RLBP1: variants seen among roughly 807,000 people sequenced by gnomAD.
RLBP1 encodes retinaldehyde-binding protein 1.
RLBP1 carries 26 observed loss-of-function variants against 36.2 expected under a neutral mutation model. The observed-to-expected ratio is 0.72, with a 90% CI of 0.53 to 1.00. The LOEUF is 1.00. Ranked by LOEUF, RLBP1 falls within the 50% of genes least tolerant of loss-of-function variation. The pLI, the probability that RLBP1 is intolerant of heterozygous loss-of-function variation, is 0.00. For synonymous variants in RLBP1, 155 were observed against 156.2 expected (o/e 0.99, Z 0.06); for missense variants, 410 against 402.4 (o/e 1.02, Z -0.16).
At chr15:89,215,284 C>A in intron 5 of RLBP1, 46 bp from the exon 6 acceptor site, 2 of 1,597,108 alleles carry the variant, frequency 1.3e-6, no homozygotes, top group Non-Finnish European at 1.7e-6. Flanking sequence ...GCCATCCCAT[C>A]CCTACCCCAT....
rs1440807352 is a variant in RLBP1, at chr15:89,218,970, T to A, written c.6A>T (p.Ser2=). Residue 2 remains serine, a synonymous_variant, in exon 3 of 9, where the codon TCA becomes TCT. Coordinates refer to ENST00000268125, the MANE Select transcript of RLBP1 (RefSeq NM_000326.5). This position sits in a 1 kb window ranked among gnomAD's most constrained non-coding sequence, Gnocchi z 4.6. Reference sequence around the variant, plus strand: ...TGGAGGACAGGGTACTTACCCCTTCTGACATGTTGCCTATGGAAGACACAG... The same window carrying A: ...TGGAGGACAGGGTACTTACCCCTTCAGACATGTTGCCTATGGAAGACACAG... M[S]EGVGTFRMVP... 1 of 1,613,998 alleles carries A rather than the reference T, an allele frequency of 6.2e-7. No homozygotes were observed. Among genetic ancestry groups the A allele is most frequent in the African/African-American group, 1.3e-5 (1 of 74,920 alleles).
rs2051603974 is a variant in RLBP1 at position 89,218,812 on chromosome 15, T to C, written c.13-119A>G. 1 of 1,556,966 alleles carries C rather than the reference T, an allele frequency of 6.4e-7. No homozygotes were observed. Among genetic ancestry groups the C allele is most frequent in the Non-Finnish European group, 8.8e-7 (1 of 1,138,884 alleles). Reference sequence around the variant, plus strand: ...AAGGTCATTGTTAAGCCTCCTCCTTTTGTGGGGTCAGGACCCACACAGGGG... The same window carrying C: ...AAGGTCATTGTTAAGCCTCCTCCTTCTGTGGGGTCAGGACCCACACAGGGG... On this transcript the variant is annotated intron_variant, in intron 3 of 8. Coordinates refer to ENST00000268125, the MANE Select transcript of RLBP1 (RefSeq NM_000326.5). The surrounding 1 kb of genome is among the most constrained non-coding windows in gnomAD (Gnocchi z 4.6).
rs2051590878 is a variant in RLBP1, at chr15:89,217,332, A to G, written c.142-8T>C. The G allele has an allele frequency of 2.5e-6, 4 of 1,603,160 alleles. No homozygotes were observed. Among genetic ancestry groups the G allele is most frequent in the Middle Eastern group, 1.7e-4 (1 of 6,060 alleles). On this transcript the variant is annotated splice_polypyrimidine_tract_variant and splice_region_variant and intron_variant, in intron 4 of 8. Coordinates refer to ENST00000268125, the MANE Select transcript of RLBP1 (RefSeq NM_000326.5). ...GTTCAGCTCATCCTTGGCCTAGAAC[A>G]GGGTGGGGTGTGCATGAAGTTAAAC...
rs998489091 is a variant in RLBP1 at position 89,214,492 on chromosome 15, G to T, written c.525+568C>A. Among the ~76,000 whole-genome samples, 1 of 136,950 alleles carries T rather than the reference G, an allele frequency of 7.3e-6. No individual in the cohort carries two copies. The highest frequency in any genetic ancestry group is 2.6e-5 in the African/African-American group (1 of 38,152). The allele number at this position is 136,950 out of a possible 152,430, so 89.8% of individuals were successfully genotyped here. A position where few individuals can be genotyped will look rare whatever the true frequency, so the allele number is the denominator to read the frequency against. ...TAAATAAATAAAATAAAATAAGTTT[G>T]TAGCAGTTTTTTTTTTAAATTAAAG... On this transcript the variant is annotated intron_variant, in intron 6 of 8. Transcript: ENST00000268125. The surrounding 1 kb of genome is among the most constrained non-coding windows in gnomAD (Gnocchi z 4.6).
chr15:89,210,758 A>G lies in RLBP1; in HGVS notation c.736T>C (p.Tyr246His), dbSNP rs777441605. ...KAIHFIHQPWYFTTTYNVVKP... is the reference protein window; with the variant it reads ...KAIHFIHQPWHFTTTYNVVKP... ...ACCACATTGTAGGTCGTGGTGAAGT[A>G]CCATGGCTGGTGGATGAAGTGGATG... The change falls in exon 8 of 9, where the codon TAC becomes CAC. Residue 246 changes from tyrosine to histidine, a missense_variant. By Grantham distance (83) the Tyr-to-His change is moderately conservative. Transcript: ENST00000268125. The surrounding 1 kb of genome is among the most constrained non-coding windows in gnomAD (Gnocchi z 4.7). The G allele has an allele frequency of 2.4e-5, 38 of 1,602,724 alleles. No individual in the cohort carries two copies. Among genetic ancestry groups the G allele is most frequent in the Non-Finnish European group, 3.2e-5 (38 of 1,173,650 alleles).
rs1753134558 is a variant in RLBP1, at chr15:89,214,961, C to T, written c.525+99G>A. On this transcript the variant is annotated intron_variant, in intron 6 of 8. Coordinates refer to ENST00000268125, the MANE Select transcript of RLBP1 (RefSeq NM_000326.5). The surrounding 1 kb of genome is among the most constrained non-coding windows in gnomAD (Gnocchi z 4.6). ...TGCCCACCTTTCCCCCTCTACAGAC[C>T]TTGCCTCCTGGAGAACCAGGAATGA... is the stretch of plus-strand genomic sequence containing the variant. The T allele has an allele frequency of 3.8e-6, 5 of 1,312,122 alleles. No homozygotes were observed. In the Admixed American group the frequency reaches 5.1e-5, roughly 13 times the overall value. The allele number at this position is 1,312,122 out of a possible 1,614,324, so 81.3% of individuals were successfully genotyped here.
chr15:89,210,117 T>C lies in RLBP1; in HGVS notation c.*168A>G, dbSNP rs1370978993. 1.4e-6 allele frequency: 1 copy of C among 718,350 alleles called. No homozygotes were observed. The highest frequency in any genetic ancestry group is 1.7e-5 in the African/African-American group (1 of 57,506). 44.5% of individuals were successfully genotyped at this position (718,350 alleles called of 1,614,324 possible). A position where few individuals can be genotyped will look rare whatever the true frequency, so the allele number is the denominator to read the frequency against. On this transcript the variant is annotated 3_prime_UTR_variant, in exon 9 of 9. Transcript: ENST00000268125. This position sits in a 1 kb window ranked among gnomAD's most constrained non-coding sequence, Gnocchi z 4.7. ...TTCAAGGGAATTCCCCCTCCTTTAT[T>C]ACCCATCCCCCAACTTGAGAACAGG...
At position 89,217,288 on chromosome 15, in the gene RLBP1, C is replaced by G. The variant is rs760538477; in HGVS notation, c.178G>C (p.Glu60Gln). ...DELNEREETR[E>Q]EAVRELQEMV... ...TCCTGCAGCTCTCGCACTGCCTCCT[C>G]CCGGGTCTCCTCTCTCTCGTTCAGC... Residue 60 changes from glutamate to glutamine, a missense_variant, in exon 5 of 9, where the codon GAG (glutamate) becomes CAG (glutamine). By Grantham distance (29) the Glu-to-Gln change is conservative. Transcript: ENST00000268125. 3 of 1,608,380 alleles carry G rather than the reference C, an allele frequency of 1.9e-6. No homozygotes were observed. Among genetic ancestry groups the G allele is most frequent in the East Asian group, 2.2e-5 (1 of 44,898 alleles).
rs1396899148 is a variant in RLBP1, at chr15:89,218,706, AG to A, written c.13-14del. 3 of 1,613,720 alleles carry A rather than the reference AG, an allele frequency of 1.9e-6. No homozygotes were observed. On this transcript the variant is annotated splice_polypyrimidine_tract_variant and intron_variant, in intron 3 of 8. Coordinates refer to ENST00000268125, the MANE Select transcript of RLBP1 (RefSeq NM_000326.5). The surrounding 1 kb of genome is among the most constrained non-coding windows in gnomAD (Gnocchi z 4.6). ...GGAACGTGCCCACCTGGGCAGAGAAAGGAAAAAGAGGAACAGCCAACCGCAT... is the reference window on the plus strand; with the variant it reads ...GGAACGTGCCCACCTGGGCAGAGAAAGAAAAAGAGGAACAGCCAACCGCAT...
intron 1 of RLBP1, 74 bp downstream of exon 1, chr15:89,221,461 G>T (rs1350438748): frequency 1.3e-5 from 2 of 151,714 alleles, no homozygotes; most frequent in African/African-American, 4.9e-5. Context: ...TTGGGACGTG[G>T]TCTCCCTGCT....
intron 2 of RLBP1, 99 bp from the exon 3 acceptor site, chr15:89,219,174 A>C: frequency 1.5e-6 from 1 of 670,380 alleles, no homozygotes; most frequent in South Asian, 1.7e-5. Flanking sequence ...TTAGAAACGC[A>C]GGTGCCTGGG....
chr15:89,215,865 C>T (rs2051575763), intron 5 of RLBP1, among the ~76,000 whole-genome samples: 1 of 152,196 alleles, frequency 6.6e-6, no homozygotes, highest in Non-Finnish European at 1.5e-5. Context: ...CTCCCAACCC[C>T]TGGCCTTTGT....
Position 89,215,213 on chromosome 15 carries a change from G to T in RLBP1, c.372C>A (p.Tyr124Ter), listed in dbSNP as rs769117298. Residue 124 changes from tyrosine (Y) to a stop codon, truncating the protein, a stop_gained, in exon 6 of 9, where the codon TAC (tyrosine) becomes TAA (stop). Transcript: ENST00000268125. LOFTEE classifies it high-confidence loss of function. ...LRGYVNFRLQ[Y>*]PELFDSLSPE... ...GGGACAGGCTGTCAAAGAGCTCAGG[G>T]TACTGCAGCCGGAAATTCACATAGC... The T allele has an allele frequency of 2.5e-6, 4 of 1,614,180 alleles. No homozygotes were observed. The highest frequency in any genetic ancestry group is 2.5e-6 in the Non-Finnish European group (3 of 1,180,030).
At position 89,211,066 on chromosome 15, in the gene RLBP1, G is replaced by A. The variant is rs575472152; in HGVS notation, c.685-257C>T. Among the ~76,000 whole-genome samples the A allele has an allele frequency of 6.6e-6, 1 of 152,286 alleles. No homozygotes were observed. The highest frequency in any genetic ancestry group is 2.1e-4 in the South Asian group (1 of 4,826). On this transcript the variant is annotated intron_variant, in intron 7 of 8. Transcript: ENST00000268125. The surrounding 1 kb of genome is among the most constrained non-coding windows in gnomAD (Gnocchi z 5.8). ...TCTCCCTGCTGATGCAAATTAAACT[G>A]GGAATTAGGAAAAGAAATGAAAGTA...
intron 2 of RLBP1, 108 bp downstream of exon 2, chr15:89,219,629 A>C (rs1388242779): frequency 6.4e-6 from 1 of 155,494 alleles, no homozygotes; most frequent in Non-Finnish European, 1.4e-5. Context: ...TCTCAGACCC[A>C]GGGTCAACAT....
In RLBP1 at chr15:89,218,923, G is replaced by A; in HGVS notation, c.12+41C>T. On this transcript the variant is annotated intron_variant, in intron 3 of 8. Transcript: ENST00000268125. The surrounding 1 kb of genome is among the most constrained non-coding windows in gnomAD (Gnocchi z 4.6). The stretch of plus-strand genomic sequence containing the variant: ...GGAGAGGGAAGAGAGAGAAGAGAGG[G>A]AAGGTGGGTGGAGGAGAGCCCTGGA... The A allele has an allele frequency of 1.9e-6, 3 of 1,608,322 alleles. No homozygotes were observed. Among genetic ancestry groups the A allele is most frequent in the Non-Finnish European group, 2.6e-6 (3 of 1,175,284 alleles).
chr15:89,211,696 C>T lies in RLBP1; in HGVS notation c.684+47G>A, dbSNP rs1333386491. 1 of 1,605,678 alleles carries T rather than the reference C, an allele frequency of 6.2e-7. No individual in the cohort carries two copies. The highest frequency in any genetic ancestry group is 8.5e-7 in the Non-Finnish European group (1 of 1,175,228). Reference sequence around the variant, plus strand: ...ATGAAAGGAGGCCCAGCCTCTCAGCCTCCCCAGCTGTGGGAGGCTGCCGTG... The same window carrying T: ...ATGAAAGGAGGCCCAGCCTCTCAGCTTCCCCAGCTGTGGGAGGCTGCCGTG... On this transcript the variant is annotated intron_variant, in intron 7 of 8. Transcript: ENST00000268125. The surrounding 1 kb of genome is among the most constrained non-coding windows in gnomAD (Gnocchi z 5.8).
In RLBP1 at chr15:89,210,738, A is replaced by T; in HGVS notation, c.756T>A (p.Asn252Lys). 6.2e-7 allele frequency: 1 copy of T among 1,603,078 alleles called. No individual in the cohort carries two copies. Among genetic ancestry groups the T allele is most frequent in the Non-Finnish European group, 8.5e-7 (1 of 1,173,842 alleles). ...TGCTCTTCAAGAAGGGCTTGACCAC[A>T]TTGTAGGTCGTGGTGAAGTACCATG... ...HQPWYFTTTY[N>K]VVKPFLKSKL... Residue 252 changes from asparagine (N) to lysine (K), a missense_variant, in exon 8 of 9, where the codon AAT becomes AAA. Asn to Lys is a moderately conservative substitution (Grantham distance 94, BLOSUM62 0). Coordinates refer to ENST00000268125, the MANE Select transcript of RLBP1 (RefSeq NM_000326.5). The surrounding 1 kb of genome is among the most constrained non-coding windows in gnomAD (Gnocchi z 4.7).
At chr15:89,219,898 C>T (rs916026973) in intron 1 of RLBP1, 39 bp from the exon 2 acceptor site, 6 of 152,200 alleles carry the variant, frequency 3.9e-5, no homozygotes, top group Non-Finnish European at 8.8e-5. Context: ...ATGTAATGGA[C>T]ACATAAGCAA....
Sources: allele counts gnomAD v4.1 joint callset (sites outside exome capture counted in the v4.1 genomes callset), GRCh38; gene constraint gnomAD v4.1.1; non-coding constraint Gnocchi (gnomAD v3.1); transcripts MANE v1.5; gene names NCBI Gene and HGNC (gene_info 2026-07-23, HGNC 2026-07-21).